Variants in PPM1E observed in about 807,000 individuals in gnomAD.
The protein encoded by PPM1E is protein phosphatase, Mg2+/Mn2+ dependent 1E, also known as protein phosphatase 1E.
A neutral mutation model predicts 65.9 loss-of-function variants in PPM1E; 20 were observed. The observed-to-expected ratio is 0.30, with a 90% confidence interval of 0.21 to 0.44. The LOEUF is 0.44. Among genes scored for constraint, PPM1E ranks in the 20% least tolerant of loss-of-function variants. PPM1E has a pLI of 1.00. For synonymous variants in PPM1E, 352 were observed against 374.9 expected (o/e 0.94, Z 0.70); for missense variants, 713 against 953.1 (o/e 0.75, Z 3.32).
At chr17:58,967,950 C>T (rs1381590746) in intron 3 of PPM1E, among the ~76,000 whole-genome samples, 2 of 151,958 alleles carry the variant, frequency 1.3e-5, no homozygotes, top group South Asian at 2.1e-4. Flanking sequence ...AGTACAGGCG[C>T]GTGCCACCAC....
chr17:58,943,140 T>A (rs1246860388), intron 1 of PPM1E, among the ~76,000 whole-genome samples: 1 of 152,026 alleles, frequency 6.6e-6, no homozygotes, highest in African/African-American at 2.4e-5. Flanking sequence ...GAAATTGCAG[T>A]GAGCCAAGAT....
intron 1 of PPM1E, among the ~76,000 whole-genome samples, chr17:58,856,622 A>G (rs1249905419): frequency 6.6e-6 from 1 of 152,210 alleles, no homozygotes; most frequent in Non-Finnish European, 1.5e-5. Flanking sequence ...TTAATGTTAA[A>G]TGAAGTCCTT....
rs141527145 is a variant in PPM1E, at chr17:58,907,315, T to C, written c.465-48334T>C. On this transcript the variant is annotated intron_variant, in intron 1 of 6. Coordinates refer to ENST00000308249, the MANE Select transcript of PPM1E (RefSeq NM_014906.5). ...GGGGATTTTCCAATTATCTTTATGATACTCATTTCTAGTTTAATTCTGCTG... is the reference window on the plus strand; with the variant it reads ...GGGGATTTTCCAATTATCTTTATGACACTCATTTCTAGTTTAATTCTGCTG... Among the ~76,000 whole-genome samples the C allele has an allele frequency of 2.2e-3, 341 of 152,312 alleles. 3 individuals carry two copies. The highest frequency in any genetic ancestry group is 7.8e-3 in the African/African-American group (326 of 41,570).
At position 58,890,167 on chromosome 17, in the gene PPM1E, A is replaced by G. The variant is rs182654744; in HGVS notation, c.465-65482A>G. ...CAACCAGTCAATACAACCTTGTTTT[A>G]TATGTGTTTCTGCTTAAAGATACCG... On this transcript the variant is annotated intron_variant, in intron 1 of 6. Coordinates refer to ENST00000308249, the MANE Select transcript of PPM1E (RefSeq NM_014906.5). 1.8e-4 allele frequency among the ~76,000 whole-genome samples: 28 copies of G among 152,320 alleles called. 1 individual carries two copies. The East Asian group carries it at 4.6e-3, about 25-fold the overall frequency.
chr17:58,910,420 G>A (rs1009556654), intron 1 of PPM1E, among the ~76,000 whole-genome samples: 1 of 151,938 alleles, frequency 6.6e-6, no homozygotes, highest in East Asian at 1.9e-4. Flanking sequence ...TTATCCATTA[G>A]AGCCCTTAGC....
chr17:58,812,827 A>C (rs1211126228), intron 1 of PPM1E, among the ~76,000 whole-genome samples: 1 of 152,134 alleles, frequency 6.6e-6, no homozygotes, highest in Non-Finnish European at 1.5e-5. Context: ...TCAGCCTCCC[A>C]AAGTGCTGGG....
intron 1 of PPM1E, among the ~76,000 whole-genome samples, chr17:58,900,080 AGT>A (rs2051480016): frequency 6.6e-6 from 1 of 152,182 alleles, no homozygotes; most frequent in Non-Finnish European, 1.5e-5. Context: ...GAGCAAAGAA[AGT>A]GGTTTCTTAA....
chr17:58,972,090 A>G (rs141829392), intron 4 of PPM1E, 42 bp from the exon 5 acceptor site: 15 of 1,578,164 alleles, frequency 9.5e-6, no homozygotes, highest in East Asian at 2.3e-5. Context: ...TGTAGTATCT[A>G]TTTCTTTTCA....
At chr17:58,756,530 C>G in intron 1 of PPM1E, 69 bp downstream of exon 1, 1 of 1,254,940 alleles carries the variant, frequency 8.0e-7, no homozygotes, top group African/African-American at 1.6e-5. Flanking sequence ...ACGCGGCTCC[C>G]TCGGCCCCTC....
At chr17:58,825,224 TCACACACACA>T (rs71367635) in intron 1 of PPM1E, among the ~76,000 whole-genome samples, 82 of 140,156 alleles carry the variant, frequency 5.9e-4, no homozygotes, top group East Asian at 2.5e-3. Flanking sequence ...ACACACACAC[TCACACACACA>T]CACACACACA....
intron 1 of PPM1E, among the ~76,000 whole-genome samples, chr17:58,886,710 C>T (rs2143413176): frequency 6.6e-6 from 1 of 152,240 alleles, no homozygotes; most frequent in East Asian, 1.9e-4. Flanking sequence ...TACTACTAAG[C>T]AATTAAAAAG....
intron 2 of PPM1E, among the ~76,000 whole-genome samples, chr17:58,956,276 A>G (rs1352242166): frequency 3.3e-5 from 5 of 151,972 alleles, no homozygotes; most frequent in Non-Finnish European, 7.4e-5. Context: ...TCTACTAAAA[A>G]GAATACAAAA....
chr17:58,828,932 C>T (rs1460251795), intron 1 of PPM1E, among the ~76,000 whole-genome samples: 1 of 152,214 alleles, frequency 6.6e-6, no homozygotes, highest in Non-Finnish European at 1.5e-5. Context: ...CCCCCACTAA[C>T]TCCCAGTATA....
intron 1 of PPM1E, among the ~76,000 whole-genome samples, chr17:58,792,889 G>A (rs902344638): frequency 2.0e-5 from 3 of 150,618 alleles, no homozygotes; most frequent in African/African-American, 7.3e-5. Context: ...GAGTAGCTGG[G>A]ATTATAGGCA....
chr17:58,778,274 A>G (rs1297016749), intron 1 of PPM1E, among the ~76,000 whole-genome samples: 1 of 151,590 alleles, frequency 6.6e-6, no homozygotes, highest in Admixed American at 6.6e-5. Context: ...TAATCTTTGT[A>G]TTTTTAGTAG....
At chr17:58,842,786 A>G (rs1053248828) in intron 1 of PPM1E, among the ~76,000 whole-genome samples, 4 of 152,048 alleles carry the variant, frequency 2.6e-5, no homozygotes, top group Non-Finnish European at 4.4e-5. Context: ...TAAAAATACA[A>G]AATTAGCCAG....
intron 1 of PPM1E, among the ~76,000 whole-genome samples, chr17:58,778,139 G>T (rs2050011555): frequency 6.6e-6 from 1 of 151,434 alleles, no homozygotes; most frequent in African/African-American, 2.4e-5. Flanking sequence ...TTGCTCTGTT[G>T]CCCAGGCTGG....
In PPM1E at chr17:58,756,432, G is replaced by A; in HGVS notation, c.435G>A (p.Leu145=). The change falls in exon 1 of 7, where the codon CTG becomes CTA. Residue 145 remains leucine (L), a synonymous_variant. Coordinates refer to ENST00000308249, the MANE Select transcript of PPM1E (RefSeq NM_014906.5). ...GCGAGGAGGTGGAGGGCGAAAGCCT[G>A]GACCTGTGCCTGCAGCAGCTCTACA... ...ITREEVEGES[L]DLCLQQLYKY... 1 of 1,335,848 alleles carries A rather than the reference G, an allele frequency of 7.5e-7. No homozygotes were observed. Among genetic ancestry groups the A allele is most frequent in the East Asian group, 3.1e-5 (1 of 32,432 alleles). The allele number at this position is 1,335,848 out of a possible 1,614,324, so 82.7% of individuals were successfully genotyped here.
At chr17:58,789,138 C>T (rs1292496147) in intron 1 of PPM1E, among the ~76,000 whole-genome samples, 1 of 152,172 alleles carries the variant, frequency 6.6e-6, no homozygotes, top group Non-Finnish European at 1.5e-5. Flanking sequence ...GATCTTTTCT[C>T]TAGAAGTTTG....
Sources: allele counts gnomAD v4.1 joint callset (sites outside exome capture counted in the v4.1 genomes callset), GRCh38; gene constraint gnomAD v4.1.1; transcripts MANE v1.5; gene names NCBI Gene and HGNC (gene_info 2026-07-23, HGNC 2026-07-21).